Variants in TP63 observed in about 807,000 individuals in gnomAD.
The protein encoded by TP63 is tumor protein 63.
In TP63, 17 loss-of-function variants were observed where a neutral mutation model predicts 82.8. That is an observed-to-expected ratio of 0.21 (90% CI 0.14 to 0.31). The LOEUF is 0.31. TP63 is among the 10% of genes least tolerant of loss of function. The pLI, the probability that TP63 is intolerant of heterozygous loss-of-function variation, is 1.00. For missense variants in TP63, 648 were observed against 895.3 expected (o/e 0.72, Z 3.52); for synonymous variants, 330 against 321.7 (o/e 1.03, Z -0.28).
intron 1 of TP63, among the ~76,000 whole-genome samples, chr3:189,734,163 C>T (rs1720392469): frequency 8.4e-6 from 1 of 118,466 alleles, no homozygotes; most frequent in Admixed American, 8.4e-5. Flanking sequence ...TCCCTCCCTC[C>T]CTCCCTTCTT....
At chr3:189,684,020 A>C (rs1560108468) in intron 1 of TP63, among the ~76,000 whole-genome samples, 1 of 152,214 alleles carries the variant, frequency 6.6e-6, no homozygotes, top group Non-Finnish European at 1.5e-5. Flanking sequence ...GCAGGAAAGC[A>C]GTTGGTAAAA....
At chr3:189,837,709 G>A (rs1357868911) in intron 4 of TP63, among the ~76,000 whole-genome samples, 1 of 152,088 alleles carries the variant, frequency 6.6e-6, no homozygotes, top group African/African-American at 2.4e-5. Flanking sequence ...GAAGTGCAGT[G>A]GTGCAATCAT....
chr3:189,802,979 T>C (rs979846484), intron 3 of TP63, among the ~76,000 whole-genome samples: 1 of 152,186 alleles, frequency 6.6e-6, no homozygotes, highest in Non-Finnish European at 1.5e-5. Context: ...TTATAGATAG[T>C]AATATCTGAA....
chr3:189,743,780 C>T (rs562623708), intron 3 of TP63, among the ~76,000 whole-genome samples: 5 of 152,214 alleles, frequency 3.3e-5, no homozygotes, highest in African/African-American at 9.6e-5. Flanking sequence ...AAACAAGAAA[C>T]GGATGTGAGG....
chr3:189,713,640 T>TTA (rs1718757040), intron 1 of TP63, among the ~76,000 whole-genome samples: 1 of 152,240 alleles, frequency 6.6e-6, no homozygotes, highest in African/African-American at 2.4e-5. Context: ...CAAAAAAGTG[T>TTA]TATATATACC....
chr3:189,766,237 A>G (rs1722951328), intron 3 of TP63, among the ~76,000 whole-genome samples: 1 of 152,180 alleles, frequency 6.6e-6, no homozygotes, highest in East Asian at 1.9e-4. Context: ...AAACAAATGT[A>G]AACTGTATGA....
At chr3:189,819,581 G>C (rs1289586824) in intron 4 of TP63, among the ~76,000 whole-genome samples, 1 of 151,588 alleles carries the variant, frequency 6.6e-6, no homozygotes, top group East Asian at 1.9e-4. Flanking sequence ...GTCTAATTTT[G>C]TTACCTTTAA....
chr3:189,776,627 T>A (rs1008941165), intron 3 of TP63, among the ~76,000 whole-genome samples: 2 of 152,216 alleles, frequency 1.3e-5, no homozygotes, highest in African/African-American at 4.8e-5. Flanking sequence ...AGCACTGGTT[T>A]TGCCTTACAG....
Position 189,765,433 on chromosome 3 carries a change from C to CTTTTT in TP63, c.324+26676_324+26680dup, listed in dbSNP as rs576530590. Among the ~76,000 whole-genome samples the CTTTTT allele has an allele frequency of 1.1e-3, 32 of 30,082 alleles. 11 individuals carry two copies. The South Asian group carries it at 0.011, about 10-fold the overall frequency. The allele number at this position is 30,082 out of a possible 152,430, so 19.7% of individuals were successfully genotyped here. ...GGCTTTGTAAATATCCTGTCCTCTG[C>CTTTTT]TTTTTTTTTTTTTTTTTTTTTGAGA... On this transcript the variant is annotated intron_variant, in intron 3 of 13. Transcript: ENST00000264731.
At chr3:189,881,057 A>T (rs1719857200) in intron 10 of TP63, 21 of 985,272 alleles carry the variant, frequency 2.1e-5, no homozygotes, top group Non-Finnish European at 2.4e-5. Flanking sequence ...CTCAAAATAG[A>T]ATTTGAAGCC....
intron 4 of TP63, among the ~76,000 whole-genome samples, chr3:189,840,857 C>CAAAAA (rs58360712): frequency 2.1e-5 from 2 of 97,308 alleles, no homozygotes; most frequent in African/African-American, 4.1e-5. Flanking sequence ...ACTCAGTCTC[C>CAAAAA]AAAAAAAAAA....
chr3:189,631,062 G>T (rs190596553), upstream of TP63, among the ~76,000 whole-genome samples: 583 of 152,272 alleles, frequency 3.8e-3, 3 homozygotes, highest in African/African-American at 0.014. Flanking sequence ...CTGGAGCAGG[G>T]TGGACACTCA....
chr3:189,866,807 A>G lies in TP63; in HGVS notation c.882+10A>G, dbSNP rs768819141. 1 of 1,613,370 alleles carries G rather than the reference A, an allele frequency of 6.2e-7. No homozygotes were observed. The highest frequency in any genetic ancestry group is 1.3e-5 in the African/African-American group (1 of 74,908). ...TTATGAGCCACCCCAGGTAAAAAGC[A>G]AAAAACCAAACCAAAAAACAACACC... On this transcript the variant is annotated intron_variant, in intron 6 of 13. Transcript: ENST00000264731.
At chr3:189,841,705 G>A (rs556000878) in intron 4 of TP63, among the ~76,000 whole-genome samples, 1 of 152,308 alleles carries the variant, frequency 6.6e-6, no homozygotes, top group South Asian at 2.1e-4. Flanking sequence ...GTTTCTGTTA[G>A]GAATGATGCA....
chr3:189,635,627 G>A (rs112380030), intron 1 of TP63, among the ~76,000 whole-genome samples: 19 of 151,994 alleles, frequency 1.3e-4, no homozygotes, highest in African/African-American at 4.3e-4. Flanking sequence ...CTTGCTGCAG[G>A]TCCGAGTCCC....
intron 4 of TP63, among the ~76,000 whole-genome samples, chr3:189,836,632 A>T (rs899053819): frequency 1.3e-5 from 2 of 152,166 alleles, no homozygotes; most frequent in African/African-American, 4.8e-5. Context: ...TTCCTTGGCA[A>T]ACCCATCCAT....
chr3:189,860,030 A>G (rs957348977), intron 4 of TP63, among the ~76,000 whole-genome samples: 43 of 152,328 alleles, frequency 2.8e-4, no homozygotes, highest in African/African-American at 1.0e-3. Context: ...AATATTCTAT[A>G]TCTTGATTGT....
chr3:189,704,682 T>C (rs1279655147), intron 1 of TP63, among the ~76,000 whole-genome samples: 2 of 152,236 alleles, frequency 1.3e-5, no homozygotes, highest in Non-Finnish European at 2.9e-5. Flanking sequence ...CAGCACAGAA[T>C]AGGCTCTCAA....
intron 1 of TP63, among the ~76,000 whole-genome samples, chr3:189,667,817 G>C (rs1480444755): frequency 6.6e-6 from 1 of 152,082 alleles, no homozygotes; most frequent in Non-Finnish European, 1.5e-5. Flanking sequence ...AATGTTTTCT[G>C]ACCCTGGTCC....
Sources: gnomAD v4.1 joint callset for allele counts (sites outside exome capture counted in the v4.1 genomes callset) on GRCh38, gnomAD v4.1.1 for gene constraint, MANE v1.5 for transcripts, NCBI Gene and HGNC (gene_info 2026-07-23, HGNC 2026-07-21) for gene names.